The following GRM7 variants were observed in gnomAD, a reference collection of about 807,000 sequenced individuals.
GRM7 encodes metabotropic glutamate receptor 7.
A neutral mutation model predicts 84.5 loss-of-function variants in GRM7; 35 were observed. That is an observed-to-expected ratio of 0.41 (90% CI 0.32 to 0.55). The LOEUF (loss-of-function observed/expected upper bound fraction) is 0.55. GRM7 is among the 20% of genes least tolerant of loss of function. The pLI is 0.19. For synonymous variants in GRM7, 487 were observed against 455.1 expected, an observed-to-expected ratio of 1.07 and a Z score of -0.89; for missense variants, 1,003 against 1,194.6, an observed-to-expected ratio of 0.84 and a Z score of 2.36.
chr3:7,144,965 G>C (rs1388540136), intron 1 of GRM7, among the ~76,000 whole-genome samples: 1 of 152,190 alleles, frequency 6.6e-6, no homozygotes, highest in Non-Finnish European at 1.5e-5. Context: ...TGGGTCGTCT[G>C]ATTTCAGGGC....
At chr3:7,435,791 C>A (rs1255155979) in intron 5 of GRM7, among the ~76,000 whole-genome samples, 1 of 148,832 alleles carries the variant, frequency 6.7e-6, no homozygotes. Flanking sequence ...GGGTTCATGC[C>A]ATTCTCTTTC....
At chr3:7,659,580 T>G (rs1309651840) in intron 8 of GRM7, among the ~76,000 whole-genome samples, 1 of 152,176 alleles carries the variant, frequency 6.6e-6, no homozygotes, top group Non-Finnish European at 1.5e-5. Flanking sequence ...AATCACCCAT[T>G]GGAAGCCCCA....
intron 1 of GRM7, among the ~76,000 whole-genome samples, chr3:7,066,685 A>T (rs1352985510): frequency 1.3e-5 from 2 of 151,962 alleles, no homozygotes; most frequent in East Asian, 3.9e-4. Flanking sequence ...AGCCAGCATC[A>T]TCCTAATACC....
chr3:7,229,200 G>A (rs1042420556), intron 2 of GRM7, among the ~76,000 whole-genome samples: 1 of 152,084 alleles, frequency 6.6e-6, no homozygotes, highest in African/African-American at 2.4e-5. Context: ...AACATTTCCA[G>A]TGTTAACATT....
intron 1 of GRM7, among the ~76,000 whole-genome samples, chr3:7,142,628 A>C (rs1356278544): frequency 6.6e-6 from 1 of 152,120 alleles, no homozygotes; most frequent in East Asian, 1.9e-4. Context: ...TTCTTGATGC[A>C]ATTTGGGTGG....
intron 1 of GRM7, among the ~76,000 whole-genome samples, chr3:7,023,391 C>G (rs1385600160): frequency 6.6e-6 from 1 of 152,034 alleles, no homozygotes; most frequent in Non-Finnish European, 1.5e-5. Flanking sequence ...AGAAAGGGAC[C>G]TTGGTTCTGA....
intron 1 of GRM7, among the ~76,000 whole-genome samples, chr3:7,138,800 A>C (rs1574951163): frequency 6.6e-6 from 1 of 151,592 alleles, no homozygotes; most frequent in Non-Finnish European, 1.5e-5. Flanking sequence ...AAAGCAATGG[A>C]GACATTTATT....
chr3:7,125,460 G>GA (rs767203918), intron 1 of GRM7, among the ~76,000 whole-genome samples: 1 of 152,010 alleles, frequency 6.6e-6, no homozygotes, highest in East Asian at 1.9e-4. Flanking sequence ...CTTGTTTGGG[G>GA]AAAAAATAAT....
intron 2 of GRM7, among the ~76,000 whole-genome samples, chr3:7,265,692 A>G (rs1698609917): frequency 6.6e-6 from 1 of 152,212 alleles, no homozygotes; most frequent in African/African-American, 2.4e-5. Context: ...CAGAGATTAA[A>G]GAGTATGAGG....
chr3:7,454,110 T>TCA (rs1180815361), intron 6 of GRM7, among the ~76,000 whole-genome samples: 4 of 135,844 alleles, frequency 2.9e-5, no homozygotes, highest in Non-Finnish European at 5.0e-5. Context: ...TCTCTCTCTC[T>TCA]CTCTCTCTCT....
Position 7,084,966 on chromosome 3 carries a change from C to T in GRM7, c.520-61486C>T, listed in dbSNP as rs548847491. ...AATGACTAAGTGTATTTTAATGAGCCCAGAAATTAAAAATCATTCCATTAT... is the reference window on the plus strand; with the variant it reads ...AATGACTAAGTGTATTTTAATGAGCTCAGAAATTAAAAATCATTCCATTAT... On this transcript the variant is annotated intron_variant, in intron 1 of 9. Transcript: ENST00000357716. Among the ~76,000 whole-genome samples, 6 of 152,172 alleles carry T rather than the reference C, an allele frequency of 3.9e-5. No homozygotes were observed. The East Asian group carries it at 1.2e-3, about 29-fold the overall frequency.
intron 7 of GRM7, among the ~76,000 whole-genome samples, chr3:7,474,327 C>T (rs1470030571): frequency 6.6e-6 from 1 of 152,040 alleles, no homozygotes; most frequent in Non-Finnish European, 1.5e-5. Flanking sequence ...CTGGAATCCC[C>T]TACCCTATAC....
chr3:7,141,315 C>G (rs369666794), intron 1 of GRM7, among the ~76,000 whole-genome samples: 65 of 151,776 alleles, frequency 4.3e-4, no homozygotes, highest in Non-Finnish European at 7.4e-4. Flanking sequence ...AAAGAGATAA[C>G]AAAATGAATA....
At chr3:7,469,185 G>A (rs1358411120) in intron 7 of GRM7, among the ~76,000 whole-genome samples, 1 of 152,186 alleles carries the variant, frequency 6.6e-6, no homozygotes, top group Non-Finnish European at 1.5e-5. Context: ...GTGCCTATTG[G>A]ATGAATGGAT....
chr3:6,871,709 GATTTT>G (rs1695126737), intron 1 of GRM7, among the ~76,000 whole-genome samples: 3 of 151,892 alleles, frequency 2.0e-5, no homozygotes, highest in African/African-American at 2.4e-5. Context: ...ACACATCTAT[GATTTT>G]ATTTTAACAC....
chr3:7,019,245 T>C (rs868086834), intron 1 of GRM7, among the ~76,000 whole-genome samples: 1 of 152,176 alleles, frequency 6.6e-6, no homozygotes, highest in Non-Finnish European at 1.5e-5. Flanking sequence ...TCCCCCACTA[T>C]CAACATCTCC....
At chr3:7,433,527 A>G (rs369170196) in intron 5 of GRM7, among the ~76,000 whole-genome samples, 5 of 152,236 alleles carry the variant, frequency 3.3e-5, no homozygotes, top group African/African-American at 1.2e-4. Context: ...GAGACAGACC[A>G]GTGAATCCTG....
intron 8 of GRM7, among the ~76,000 whole-genome samples, chr3:7,654,614 G>T (rs567817273): frequency 1.3e-5 from 2 of 152,272 alleles, no homozygotes; most frequent in African/African-American, 4.8e-5. Context: ...GAAGCTCTGG[G>T]TTTGAAGCCC....
chr3:7,058,247 C>T (rs984932081), intron 1 of GRM7, among the ~76,000 whole-genome samples: 5 of 151,860 alleles, frequency 3.3e-5, no homozygotes, highest in African/African-American at 1.2e-4. Context: ...ATAGAATTCC[C>T]TCTCTAAGTC....
Sources: gnomAD v4.1 joint callset for allele counts (sites outside exome capture counted in the v4.1 genomes callset) on GRCh38, gnomAD v4.1.1 for gene constraint, MANE v1.5 for transcripts, NCBI Gene and HGNC (gene_info 2026-07-23, HGNC 2026-07-21) for gene names.